The following ELFN2 variants were observed in gnomAD, a reference collection of about 807,000 sequenced individuals.
ELFN2 encodes protein phosphatase 1 regulatory subunit 29.
In ELFN2, 17 loss-of-function variants were observed where a neutral mutation model predicts 45.5. The ratio of observed to expected loss-of-function variants is 0.37; its 90% CI spans 0.26 to 0.56. The LOEUF (loss-of-function observed/expected upper bound fraction) is 0.56. Among genes scored for constraint, ELFN2 ranks in the 20% least tolerant of loss-of-function variants. The probability of loss-of-function intolerance (pLI) is 0.77; values close to 1 mark genes in which losing one functional copy is unlikely to be tolerated. For missense variants in ELFN2, 922 were observed against 1,183.2 expected (o/e 0.78, Z 3.24); for synonymous variants, 550 against 551.5 (o/e 1.00, Z 0.04).
chr22:37,346,794 G>A (rs548298998), intron 1 of ELFN2, among the ~76,000 whole-genome samples: 120 of 151,996 alleles, frequency 7.9e-4, no homozygotes, highest in African/African-American at 2.8e-3. Context: ...ACACACACAT[G>A]CACGCAGACT....
At chr22:37,404,649 C>G (rs1932450035) in intron 2 of ELFN2, among the ~76,000 whole-genome samples, 1 of 152,136 alleles carries the variant, frequency 6.6e-6, no homozygotes, top group African/African-American at 2.4e-5. Context: ...GATGGAGACT[C>G]AGGCATCCCT....
intron 2 of ELFN2, among the ~76,000 whole-genome samples, chr22:37,396,325 C>T (rs888903816): frequency 5.9e-5 from 9 of 152,208 alleles, no homozygotes; most frequent in South Asian, 2.1e-4. Context: ...AAGGGTGGGA[C>T]GAGGGCTGTG....
At chr22:37,410,891 C>G (rs916499100) in intron 2 of ELFN2, among the ~76,000 whole-genome samples, 1 of 152,186 alleles carries the variant, frequency 6.6e-6, no homozygotes, top group Admixed American at 6.5e-5. Flanking sequence ...GGGGCAGACA[C>G]CCCCACATTT....
At chr22:37,397,651 GT>G (rs1281779095) in intron 2 of ELFN2, among the ~76,000 whole-genome samples, 11 of 152,202 alleles carry the variant, frequency 7.2e-5, no homozygotes, top group African/African-American at 2.7e-4. Context: ...ACCTTCTTAT[GT>G]GGGGACGTGG....
downstream of ELFN2, among the ~76,000 whole-genome samples, chr22:37,363,476 A>C (rs568373480): frequency 4.7e-4 from 71 of 152,270 alleles, no homozygotes; most frequent in African/African-American, 1.6e-3. Context: ...TTAGTTTGGC[A>C]AGGACGGGGA....
At chr22:37,397,595 AC>A (rs1227067181) in intron 2 of ELFN2, among the ~76,000 whole-genome samples, 2 of 152,074 alleles carry the variant, frequency 1.3e-5, no homozygotes, top group Non-Finnish European at 2.9e-5. Context: ...CCTCGCCTAG[AC>A]CCCAAGGTCA....
intron 1 of ELFN2, among the ~76,000 whole-genome samples, chr22:37,419,140 C>T (rs1206604699): frequency 1.3e-5 from 2 of 151,734 alleles, no homozygotes; most frequent in Admixed American, 6.6e-5. Context: ...GGAAAATAAA[C>T]ACACACTCGG....
At chr22:37,412,444 A>T (rs1932671961) in intron 2 of ELFN2, among the ~76,000 whole-genome samples, 1 of 150,606 alleles carries the variant, frequency 6.6e-6, no homozygotes, top group South Asian at 2.1e-4. Flanking sequence ...AAGAGGTCCC[A>T]GGACTCCCTC....
intron 1 of ELFN2, among the ~76,000 whole-genome samples, chr22:37,355,542 C>T (rs571298345): frequency 6.6e-6 from 1 of 152,346 alleles, no homozygotes; most frequent in South Asian, 2.1e-4. Flanking sequence ...TCAGACCTCA[C>T]CTCTGCAGCG....
At chr22:37,410,762 A>G (rs1478012652) in intron 2 of ELFN2, among the ~76,000 whole-genome samples, 1 of 152,190 alleles carries the variant, frequency 6.6e-6, no homozygotes, top group Admixed American at 6.5e-5. Flanking sequence ...ATCGGGCCGG[A>G]GCCCCACGGC....
intron 1 of ELFN2, among the ~76,000 whole-genome samples, chr22:37,346,022 A>C (rs763941366): frequency 1.4e-4 from 22 of 152,116 alleles, no homozygotes; most frequent in Non-Finnish European, 3.1e-4. Flanking sequence ...CATCCTCTCA[A>C]AAACGCTCAC....
chr22:37,399,876 A>C (rs1932320192), intron 2 of ELFN2, among the ~76,000 whole-genome samples: 1 of 152,150 alleles, frequency 6.6e-6, no homozygotes, highest in Admixed American at 6.5e-5. Flanking sequence ...TGGTAAATGA[A>C]AGAAGGAAGG....
chr22:37,419,324 ACTATACC>A (rs768479955), intron 1 of ELFN2, among the ~76,000 whole-genome samples: 23 of 151,574 alleles, frequency 1.5e-4, no homozygotes, highest in Non-Finnish European at 7.4e-5. Context: ...AGAGGCACAC[ACTATACC>A]CTAACACACA....
intron 2 of ELFN2, among the ~76,000 whole-genome samples, chr22:37,391,523 C>T (rs1490523303): frequency 6.6e-6 from 1 of 152,164 alleles, no homozygotes; most frequent in African/African-American, 2.4e-5. Context: ...GTCATGCCTG[C>T]TTGAAGGATG....
chr22:37,395,983 G>A (rs1204106326), intron 2 of ELFN2, among the ~76,000 whole-genome samples: 1 of 152,174 alleles, frequency 6.6e-6, no homozygotes, highest in Non-Finnish European at 1.5e-5. Flanking sequence ...TGGTGGTTAA[G>A]TGGGAGGCTC....
Position 37,369,366 on chromosome 22 carries a change from G to C in ELFN2, c.*3706C>G, listed in dbSNP as rs113561781. 2.0e-5 allele frequency: 3 copies of C among 152,262 alleles called. No individual in the cohort carries two copies. The highest frequency in any genetic ancestry group is 7.3e-5 in the African/African-American group (3 of 41,374). 9.4% of individuals were successfully genotyped at this position (152,262 alleles called of 1,614,324 possible). A position where few individuals can be genotyped will look rare whatever the true frequency, so the allele number is the denominator to read the frequency against. On this transcript the variant is annotated 3_prime_UTR_variant, in exon 3 of 3. Transcript: ENST00000402918. ...AGGTCTCTTTACTCCCACCCTCCTC[G>C]CTCCCCTGACAGCCCTTTTCCCAGA...
chr22:37,366,640 G>T (rs1931212981), downstream of ELFN2, among the ~76,000 whole-genome samples: 1 of 152,230 alleles, frequency 6.6e-6, no homozygotes. Context: ...GGGCCTGAGG[G>T]GACAGAGCCT....
rs117847605 is a variant in ELFN2, at chr22:37,387,572, C to T, written c.-462-11576G>A. Among the ~76,000 whole-genome samples, 976 of 152,274 alleles carry T rather than the reference C, an allele frequency of 6.4e-3. 6 individuals carry two copies. The highest frequency in any genetic ancestry group is 0.011 in the Non-Finnish European group (781 of 68,024). On this transcript the variant is annotated intron_variant, in intron 2 of 2. Coordinates refer to ENST00000402918, the MANE Select transcript of ELFN2 (RefSeq NM_052906.5). The stretch of plus-strand genomic sequence containing the variant: ...CTGACCCTCCTGGGCACCTCGTCCG[C>T]GCTGGTGCCAGGCACAGCGCCTGAC...
chr22:37,368,173 C>T lies in ELFN2; in HGVS notation c.*4899G>A, dbSNP rs6000692. ...AAGGCCCTCAGAGGAAGGAAAGTTT[C>T]GTAACACAGCAAGGGTTCACAGGTT... On this transcript the variant is annotated 3_prime_UTR_variant, in exon 3 of 3. Transcript: ENST00000402918. 0.013 allele frequency: 1,956 copies of T among 152,370 alleles called. 43 individuals are homozygous for T. Among genetic ancestry groups the T allele is most frequent in the African/African-American group, 0.044 (1,824 of 41,544 alleles). The allele number at this position is 152,370 out of a possible 1,614,324, so 9.4% of individuals were successfully genotyped here. A position where few individuals can be genotyped will look rare whatever the true frequency, so the allele number is the denominator to read the frequency against.
Sources: allele counts gnomAD v4.1 joint callset (sites outside exome capture counted in the v4.1 genomes callset), GRCh38; gene constraint gnomAD v4.1.1; transcripts MANE v1.5; gene names NCBI Gene and HGNC (gene_info 2026-07-23, HGNC 2026-07-21).